The following PHTF2 variants were observed in gnomAD, a reference collection of about 807,000 sequenced individuals.
The protein encoded by PHTF2 is putative homeodomain transcription factor 2, also known as protein PHTF2.
Under a neutral mutation model 101.2 loss-of-function variants are expected in PHTF2, and 60 were observed. That is an observed-to-expected ratio of 0.59 (90% confidence interval 0.48 to 0.73). PHTF2 has a LOEUF of 0.73. Among genes scored for constraint, PHTF2 ranks in the 30% least tolerant of loss-of-function variants. PHTF2 has a pLI of 0.00. For synonymous variants in PHTF2, 311 were observed against 307.3 expected (o/e 1.01, Z -0.13); for missense variants, 747 against 908.7 (o/e 0.82, Z 2.29).
chr7:77,864,122 G>A (rs1797870328), intron 3 of PHTF2, among the ~76,000 whole-genome samples: 1 of 152,172 alleles, frequency 6.6e-6, no homozygotes. Context: ...TCATGGGGGA[G>A]CCAAGATGTA....
At chr7:77,825,202 G>A (rs1794612387) in intron 1 of PHTF2, among the ~76,000 whole-genome samples, 1 of 152,122 alleles carries the variant, frequency 6.6e-6, no homozygotes, top group African/African-American at 2.4e-5. Context: ...GGTATCTGTA[G>A]CTTTATACCA....
At chr7:77,908,472 G>A (rs1156372772) in intron 7 of PHTF2, among the ~76,000 whole-genome samples, 1 of 152,148 alleles carries the variant, frequency 6.6e-6, no homozygotes, top group Non-Finnish European at 1.5e-5. Context: ...CTTGAGGTTA[G>A]GGTAGTTCTT....
chr7:77,934,993 T>C (rs1804954976), intron 12 of PHTF2, among the ~76,000 whole-genome samples: 1 of 151,620 alleles, frequency 6.6e-6, no homozygotes, highest in Admixed American at 6.6e-5. Flanking sequence ...GAGTAACCTA[T>C]GTGATAAAAT....
intron 9 of PHTF2, among the ~76,000 whole-genome samples, chr7:77,914,331 A>G (rs1802701576): frequency 6.6e-6 from 1 of 152,182 alleles, no homozygotes; most frequent in African/African-American, 2.4e-5. Flanking sequence ...AAGGAGTTGG[A>G]TATGCAATAT....
chr7:77,895,692 G>C (rs1240401001), intron 5 of PHTF2, among the ~76,000 whole-genome samples: 1 of 151,958 alleles, frequency 6.6e-6, no homozygotes, highest in Non-Finnish European at 1.5e-5. Flanking sequence ...TTTTTTAAAA[G>C]AACTCTTTTA....
intron 3 of PHTF2, among the ~76,000 whole-genome samples, chr7:77,890,522 A>C (rs1239896725): frequency 6.6e-6 from 1 of 152,156 alleles, no homozygotes; most frequent in African/African-American, 2.4e-5. Context: ...TAGTTATTAA[A>C]ACATATTGGT....
intron 3 of PHTF2, among the ~76,000 whole-genome samples, chr7:77,866,626 T>A (rs1798088696): frequency 6.6e-6 from 1 of 152,152 alleles, no homozygotes; most frequent in South Asian, 2.1e-4. Flanking sequence ...AAAAAGTTAA[T>A]ACTGGTCTGT....
intron 1 of PHTF2, among the ~76,000 whole-genome samples, chr7:77,830,500 T>C (rs1794999086): frequency 6.6e-6 from 1 of 152,210 alleles, no homozygotes; most frequent in Non-Finnish European, 1.5e-5. Flanking sequence ...CTCTGCCTCC[T>C]GTCAGATCAG....
chr7:77,900,600 G>C, intron 5 of PHTF2, 111 bp from the exon 5 acceptor site: 1 of 679,866 alleles, frequency 1.5e-6, no homozygotes, highest in Non-Finnish European at 2.7e-6. Context: ...GTTACATTTT[G>C]TTGGTACTAT....
chr7:77,868,350 T>G (rs1039688449), intron 3 of PHTF2, among the ~76,000 whole-genome samples: 2 of 106,284 alleles, frequency 1.9e-5, no homozygotes, highest in African/African-American at 3.7e-5. Flanking sequence ...TTTTTTTTTT[T>G]GCAGAACAGA....
chr7:77,884,177 A>G (rs1012973667), intron 3 of PHTF2, among the ~76,000 whole-genome samples: 3 of 152,088 alleles, frequency 2.0e-5, no homozygotes, highest in Middle Eastern at 3.2e-3. Context: ...TCCAAATATG[A>G]CAAAGTGTAT....
At position 77,904,032 on chromosome 7, in the gene PHTF2, T is replaced by A. The variant is rs538616404; in HGVS notation, c.445+2112T>A. On this transcript the variant is annotated intron_variant, in intron 7 of 19. Transcript: ENST00000416283. ...TGGTTGCCTAGTTTCTTGCCAAGAT[T>A]ACTGCCAGGAAACCTCATATCATCT... 2.6e-5 allele frequency among the ~76,000 whole-genome samples: 4 copies of A among 152,332 alleles called. No individual in the cohort carries two copies. In the East Asian group the frequency reaches 7.7e-4, roughly 29 times the overall value.
At chr7:77,862,505 C>T (rs182159099) in intron 3 of PHTF2, among the ~76,000 whole-genome samples, 146 of 152,168 alleles carry the variant, frequency 9.6e-4, no homozygotes, top group African/African-American at 3.3e-3. Context: ...TGGCCTGTAG[C>T]GGTTGCCAGA....
At chr7:77,869,566 G>T (rs1798353739) in intron 3 of PHTF2, among the ~76,000 whole-genome samples, 1 of 152,050 alleles carries the variant, frequency 6.6e-6, no homozygotes, top group South Asian at 2.1e-4. Flanking sequence ...TGCTGCAAAT[G>T]GCAGGACTTC....
chr7:77,870,227 T>C (rs1363587879), intron 3 of PHTF2, among the ~76,000 whole-genome samples: 3 of 151,220 alleles, frequency 2.0e-5, no homozygotes, highest in African/African-American at 7.3e-5. Context: ...GGTATTACTT[T>C]TAAATCTTTA....
intron 3 of PHTF2, among the ~76,000 whole-genome samples, chr7:77,881,140 A>G (rs1409392728): frequency 1.3e-5 from 2 of 152,182 alleles, no homozygotes; most frequent in Non-Finnish European, 2.9e-5. Context: ...GATTAAGGTC[A>G]TTGACATTAA....
intron 7 of PHTF2, among the ~76,000 whole-genome samples, chr7:77,905,862 C>T (rs1801808648): frequency 6.6e-6 from 1 of 152,208 alleles, no homozygotes; most frequent in Non-Finnish European, 1.5e-5. Flanking sequence ...TGCCCAACAA[C>T]ATTCTGTCTT....
At chr7:77,896,580 TA>T (rs1800894538) in intron 5 of PHTF2, among the ~76,000 whole-genome samples, 1 of 152,026 alleles carries the variant, frequency 6.6e-6, no homozygotes, top group Non-Finnish European at 1.5e-5. Flanking sequence ...ACATAAATAA[TA>T]AACTTATCAT....
chr7:77,898,038 A>C (rs983044694), intron 5 of PHTF2, among the ~76,000 whole-genome samples: 2 of 148,550 alleles, frequency 1.3e-5, no homozygotes, highest in African/African-American at 2.5e-5. Flanking sequence ...AGGCTACCTT[A>C]GAGGGAAAAT....
Sources: allele counts gnomAD v4.1 joint callset (sites outside exome capture counted in the v4.1 genomes callset), GRCh38; gene constraint gnomAD v4.1.1; transcripts MANE v1.5; gene names NCBI Gene and HGNC (gene_info 2026-07-23, HGNC 2026-07-21).